The following CTU2 variants were observed in gnomAD, a reference collection of about 807,000 sequenced individuals.
CTU2 encodes cytosolic thiouridylase subunit 2, also known as cytoplasmic tRNA 2-thiolation protein 2.
Under a neutral mutation model 64.1 loss-of-function variants are expected in CTU2, and 80 were observed. That is an observed-to-expected ratio of 1.25 (90% CI 1.04 to 1.50). CTU2 has a LOEUF of 1.50. CTU2 is among the 40% of genes most tolerant of loss of function. The probability of loss-of-function intolerance (pLI) is 0.00; values close to 1 mark genes in which losing one functional copy is unlikely to be tolerated. For synonymous variants in CTU2, 482 were observed against 285.3 expected, an observed-to-expected ratio of 1.69 and a Z score of -6.95; for missense variants, 1,110 against 690.2, an observed-to-expected ratio of 1.61 and a Z score of -6.81.
chr16:88,711,777 T>C, intron 5 of CTU2, 82 bp downstream of exon 5: 1 of 1,322,788 alleles, frequency 7.6e-7, no homozygotes, highest in Non-Finnish European at 1.1e-6. Context: ...GGACCCTCCC[T>C]CTGGTGCCGG....
chr16:88,707,041 CAG>C (rs1910914407), intron 1 of CTU2, 93 bp from the exon 2 acceptor site: 5 of 1,272,356 alleles, frequency 3.9e-6, no homozygotes, highest in Admixed American at 3.5e-5. Flanking sequence ...TGACCCAACT[CAG>C]GGTGAGAAAC....
rs757184728 is a variant in CTU2 at position 88,710,214 on chromosome 16, C to G, written c.223-9C>G. The G allele has an allele frequency of 6.2e-6, 10 of 1,613,986 alleles. No homozygotes were observed. Among genetic ancestry groups the G allele is most frequent in the East Asian group, 2.2e-5 (1 of 44,878 alleles). ...TGCGGTGCCCTGAGTGATGTTTTTT[C>G]TCCCCCAGGTGCTCTTGGCGTGGTC... On this transcript the variant is annotated splice_polypyrimidine_tract_variant and intron_variant, in intron 3 of 14. Coordinates refer to ENST00000453996, the MANE Select transcript of CTU2 (RefSeq NM_001012759.3).
intron 1 of CTU2, 183 bp from the exon 2 acceptor site, chr16:88,706,953 C>T (rs1394220312): frequency 4.9e-6 from 3 of 610,578 alleles, no homozygotes; most frequent in Non-Finnish European, 8.6e-6. Context: ...GCTAAACATC[C>T]CCCCAGAGCC....
At position 88,714,939 on chromosome 16, in the gene CTU2, C is replaced by G. The variant is rs754504813; in HGVS notation, c.1419+13C>G. 11 of 1,612,238 alleles carry G rather than the reference C, an allele frequency of 6.8e-6. No individual in the cohort carries two copies. The Admixed American group carries it at 1.7e-4, about 24-fold the overall frequency. On this transcript the variant is annotated intron_variant, in intron 13 of 14. Coordinates refer to ENST00000453996, the MANE Select transcript of CTU2 (RefSeq NM_001012759.3). ...CATGAAGGACTTGGTGAGTACGTGCCCACCTGTCCTGGGCCGGGCTTGGGG... is the reference window on the plus strand; with the variant it reads ...CATGAAGGACTTGGTGAGTACGTGCGCACCTGTCCTGGGCCGGGCTTGGGG...
chr16:88,713,667 C>G lies in CTU2; in HGVS notation c.894C>G (p.His298Gln), dbSNP rs750272877. ...CGCAGGGCTTCTCGGATGAGCGGCA[C>G]GGGGACGTGGTGGTGGTGCGGCCCA... The part of the protein sequence containing the change: ...AWDTGFSDER[H>Q]GDVVVVRPMR... The change falls in exon 9 of 15, where the codon CAC (histidine) becomes CAG (glutamine). Residue 298 changes from histidine to glutamine, a missense_variant. Physicochemically the swap from His to Gln is conservative, Grantham distance 24. Coordinates refer to ENST00000453996, the MANE Select transcript of CTU2 (RefSeq NM_001012759.3). The G allele has an allele frequency of 6.2e-7, 1 of 1,612,498 alleles. No homozygotes were observed. The highest frequency in any genetic ancestry group is 2.2e-5 in the East Asian group (1 of 44,866).
rs370661454 is a variant in CTU2, at chr16:88,714,411, C to T, written c.1126C>T (p.Arg376Trp). ...RTSEKLVKGPRDGPAAGDSGP... is the reference protein window; with the variant it reads ...RTSEKLVKGPWDGPAAGDSGP... ...AAGTGAGAAGCTGGTGAAGGGCCCC[C>T]GGGATGGCCCTGCTGCTGGCGACTC... The change falls in exon 11 of 15, where the codon CGG becomes TGG. Residue 376 changes from arginine to tryptophan, a missense_variant. Transcript: ENST00000453996. 46 of 1,612,402 alleles carry T rather than the reference C, an allele frequency of 2.9e-5. No homozygotes were observed. The highest frequency in any genetic ancestry group is 8.3e-5 in the Admixed American group (5 of 60,000).
intron 4 of CTU2, 94 bp from the exon 5 acceptor site, chr16:88,711,541 G>A (rs1597427286): frequency 2.4e-6 from 3 of 1,258,114 alleles, no homozygotes; most frequent in South Asian, 3.2e-5. Flanking sequence ...CACCTTCCAA[G>A]ATGGCATTAA....
chr16:88,710,622 C>T, intron 4 of CTU2: 1 of 309,902 alleles, frequency 3.2e-6, no homozygotes, highest in Non-Finnish European at 6.1e-6. Context: ...GGCCCACTCT[C>T]AGATGTGTTT....
intron 4 of CTU2, chr16:88,710,547 C>G (rs1911238525): frequency 2.0e-6 from 1 of 501,050 alleles, no homozygotes; most frequent in Admixed American, 3.6e-5. Flanking sequence ...GTGTGTGCGG[C>G]CCACTCTCAG....
Position 88,713,375 on chromosome 16 carries a change from C to A in CTU2, c.801C>A (p.Ser267Arg). 6.2e-7 allele frequency: 1 copy of A among 1,605,416 alleles called. No homozygotes were observed. The highest frequency in any genetic ancestry group is 8.5e-7 in the Non-Finnish European group (1 of 1,177,286). Residue 267 changes from serine to arginine, a missense_variant, in exon 8 of 15, where the codon AGC becomes AGA. By Grantham distance (110) the Ser-to-Arg change is moderately radical (BLOSUM62 -1). Coordinates refer to ENST00000453996, the MANE Select transcript of CTU2 (RefSeq NM_001012759.3). ...ACTCCAAGGTCATGACTGGGGACAG[C>A]TGCACACGCTTGGCTATCAAGCTCA... ...HGYSKVMTGD[S>R]CTRLAIKLMT...
intron 4 of CTU2, among the ~76,000 whole-genome samples, chr16:88,711,134 A>C (rs1911287584): frequency 6.6e-6 from 1 of 152,074 alleles, no homozygotes. Flanking sequence ...TGCTGAAATT[A>C]GTTTTCTGTT....
In CTU2 at chr16:88,713,575, C is replaced by T. The variant is rs935839949; in HGVS notation, c.874-72C>T. On this transcript the variant is annotated intron_variant, in intron 8 of 14. Transcript: ENST00000453996. The stretch of plus-strand genomic sequence containing the variant: ...ATGGTGGTGGGGTCTGTGACCTCCC[C>T]TACCTGGCAGGGGAGGAGGGGCAAG... The T allele has an allele frequency of 7.0e-6, 11 of 1,575,412 alleles. No individual in the cohort carries two copies. The African/African-American group carries it at 8.1e-5, about 12-fold the overall frequency.
chr16:88,709,655 G>T, intron 2 of CTU2: 1 of 452,172 alleles, frequency 2.2e-6, no homozygotes, highest in East Asian at 4.1e-5. Context: ...CTGTGGGGAG[G>T]GGTGCCGGGG....
In CTU2 at chr16:88,714,712, CGCTGTGGCCAGG is replaced by C. The variant is rs1567653507; in HGVS notation, c.1329_1340del (p.Cys444_Gly447del). ...TTCTCCAGGGGTGGGCTGGGCCCAGCGCTGTGGCCAGGGGGCCTGCAGGAGGTGAGTCCCTGT... is the reference window on the plus strand; with the variant it reads ...TTCTCCAGGGGTGGGCTGGGCCCAGCGGGCCTGCAGGAGGTGAGTCCCTGT... On this transcript the variant is annotated inframe_deletion, in exon 12 of 15. Transcript: ENST00000453996. The C allele has an allele frequency of 6.2e-7, 1 of 1,609,514 alleles. No individual in the cohort carries two copies. Among genetic ancestry groups the C allele is most frequent in the African/African-American group, 1.3e-5 (1 of 74,960 alleles).
rs1444337121 is a variant in CTU2, at chr16:88,715,260, A to C, written c.*9A>C. The C allele has an allele frequency of 1.2e-5, 20 of 1,610,370 alleles. No individual in the cohort carries two copies. The highest frequency in any genetic ancestry group is 1.7e-5 in the Non-Finnish European group (20 of 1,179,642). ...AGGCGGGCCAGAGCTGAGCGTGAGG[A>C]CGTGCTTGCCGGGACAGCAGGCAGT... On this transcript the variant is annotated 3_prime_UTR_variant, in exon 15 of 15. Coordinates refer to ENST00000453996, the MANE Select transcript of CTU2 (RefSeq NM_001012759.3).
In CTU2 at chr16:88,710,260, C is replaced by A. The variant is rs1252546978; in HGVS notation, c.260C>A (p.Ser87Tyr). ...LAWSGGPSSS[S>Y]MVWQVLEGLS... ...TGGTCTGGGGGGCCTTCGTCCAGCT[C>A]CATGGTCTGGCAGGTTCTTGAGGTG... The change falls in exon 4 of 15, where the codon TCC becomes TAC. Residue 87 changes from serine to tyrosine, a missense_variant. Transcript: ENST00000453996. 2.5e-6 allele frequency: 4 copies of A among 1,614,042 alleles called. No individual in the cohort carries two copies. The highest frequency in any genetic ancestry group is 3.4e-6 in the Non-Finnish European group (4 of 1,179,996).
intron 6 of CTU2, 77 bp downstream of exon 6, chr16:88,712,460 C>T (rs1911407719): frequency 1.4e-6 from 2 of 1,454,240 alleles, no homozygotes; most frequent in African/African-American, 1.4e-5. Flanking sequence ...GCCTCACTGG[C>T]CTCTCCCTCA....
At chr16:88,711,563 G>C (rs1401044054) in intron 4 of CTU2, 72 bp from the exon 5 acceptor site, 2 of 1,399,126 alleles carry the variant, frequency 1.4e-6, no homozygotes, top group Non-Finnish European at 2.0e-6. Context: ...TCCAGATGAA[G>C]AATGTTCTGA....
chr16:88,707,262 C>T lies in CTU2; in HGVS notation c.143+52C>T, dbSNP rs1759085700. 3.3e-6 allele frequency: 5 copies of T among 1,513,926 alleles called. No individual in the cohort carries two copies. The East Asian group carries it at 6.8e-5, about 21-fold the overall frequency. The allele number at this position is 1,513,926 out of a possible 1,614,324, so 93.8% of individuals were successfully genotyped here. On this transcript the variant is annotated intron_variant, in intron 2 of 14. Coordinates refer to ENST00000453996, the MANE Select transcript of CTU2 (RefSeq NM_001012759.3). ...TGGCAAACATGGCCTCGCTAGCAGACAGGATAGCCGCAACTTGTGATGCTT... is the reference window on the plus strand; with the variant it reads ...TGGCAAACATGGCCTCGCTAGCAGATAGGATAGCCGCAACTTGTGATGCTT...
Sources: allele counts gnomAD v4.1 joint callset (sites outside exome capture counted in the v4.1 genomes callset), GRCh38; gene constraint gnomAD v4.1.1; transcripts MANE v1.5; gene names NCBI Gene and HGNC (gene_info 2026-07-23, HGNC 2026-07-21).